The following TBC1D32 variants were observed in gnomAD, a reference collection of about 807,000 sequenced individuals.
The protein encoded by TBC1D32 is protein broad-minded.
TBC1D32 carries 151 observed loss-of-function variants against 170.3 expected under a neutral mutation model. That is an observed-to-expected ratio of 0.89 (90% confidence interval 0.78 to 1.01). The LOEUF (loss-of-function observed/expected upper bound fraction) is 1.01. Among genes scored for constraint, TBC1D32 ranks in the 50% least tolerant of loss-of-function variants. The pLI is 0.00. For synonymous variants in TBC1D32, 498 were observed against 488.0 expected, an observed-to-expected ratio of 1.02 and a Z score of -0.27; for missense variants, 1,464 against 1,457.1, an observed-to-expected ratio of 1.00 and a Z score of -0.08.
At chr6:121,303,466 CA>C (rs1335704976) in intron 9 of TBC1D32, 150 bp downstream of exon 9, 1 of 630,718 alleles carries the variant, frequency 1.6e-6, no homozygotes, top group African/African-American at 1.9e-5. Context: ...GTATTAATAC[CA>C]CCAACCTCGT....
intron 15 of TBC1D32, 101 bp from the exon 16 acceptor site, chr6:121,256,386 T>C (rs1799020313): frequency 1.1e-6 from 1 of 928,664 alleles, no homozygotes; most frequent in African/African-American, 1.7e-5. Context: ...TTAGTCCTCC[T>C]CTAACTTTTC....
chr6:121,203,755 A>G (rs1191197282), intron 22 of TBC1D32, among the ~76,000 whole-genome samples: 2 of 151,418 alleles, frequency 1.3e-5, no homozygotes, highest in Admixed American at 1.3e-4. Context: ...GCTAACCACC[A>G]TACTGCACTA....
chr6:121,187,728 A>C (rs371934373), intron 22 of TBC1D32, among the ~76,000 whole-genome samples: 1 of 144,572 alleles, frequency 6.9e-6, no homozygotes. Flanking sequence ...ATGAAGGGAA[A>C]TCCCATGAAG....
chr6:121,160,006 T>A lies in TBC1D32; in HGVS notation c.2773+4A>T, dbSNP rs774039042. 4.0e-5 allele frequency: 63 copies of A among 1,567,776 alleles called. No individual in the cohort carries two copies. Among genetic ancestry groups the A allele is most frequent in the Non-Finnish European group, 5.3e-5 (61 of 1,142,296 alleles). ...AATATGGCATTTGATGGTAAATATT[T>A]TACCTTGTTTTATACCAGCATTTCT... On this transcript the variant is annotated splice_donor_region_variant and intron_variant, in intron 24 of 31. Coordinates refer to ENST00000398212, the MANE Select transcript of TBC1D32 (RefSeq NM_152730.6).
At chr6:121,240,185 CT>C (rs1328325186) in intron 19 of TBC1D32, among the ~76,000 whole-genome samples, 2 of 151,956 alleles carry the variant, frequency 1.3e-5, no homozygotes, top group Non-Finnish European at 2.9e-5. Context: ...ACACTTACCC[CT>C]CTCATGAAAA....
At chr6:121,331,629 CTGAAATAAA>C (rs1562131513) in intron 1 of TBC1D32, among the ~76,000 whole-genome samples, 1 of 152,186 alleles carries the variant, frequency 6.6e-6, no homozygotes, top group East Asian at 1.9e-4. Context: ...ATGAGTAATT[CTGAAATAAA>C]CACTTTGGAA....
At chr6:121,122,590 T>G (rs1780385032) in intron 26 of TBC1D32, among the ~76,000 whole-genome samples, 1 of 152,050 alleles carries the variant, frequency 6.6e-6, no homozygotes, top group Non-Finnish European at 1.5e-5. Flanking sequence ...TCAATAAAAC[T>G]TTATATGAAA....
chr6:121,279,104 T>G lies in TBC1D32; in HGVS notation c.1733+17A>C, dbSNP rs1354409577. On this transcript the variant is annotated intron_variant, in intron 15 of 31. Transcript: ENST00000398212. ...ACTATACCTGGAATAATTATCCGGA[T>G]TTAAAATAGCACATACCTTTCTTCA... 6.3e-7 allele frequency: 1 copy of G among 1,578,130 alleles called. No homozygotes were observed. The highest frequency in any genetic ancestry group is 8.5e-7 in the Non-Finnish European group (1 of 1,170,298).
intron 15 of TBC1D32, among the ~76,000 whole-genome samples, chr6:121,277,674 A>T (rs1410438274): frequency 6.6e-6 from 1 of 151,688 alleles, no homozygotes; most frequent in Middle Eastern, 3.2e-3. Context: ...ATAAAAAAAG[A>T]AAAGAGCTAA....
At chr6:121,187,652 G>C (rs554865722) in intron 22 of TBC1D32, among the ~76,000 whole-genome samples, 50 of 151,702 alleles carry the variant, frequency 3.3e-4, no homozygotes, top group African/African-American at 9.4e-4. Flanking sequence ...AACCAAGATA[G>C]GTAATTGGAT....
intron 20 of TBC1D32, among the ~76,000 whole-genome samples, chr6:121,235,050 G>A (rs1796169235): frequency 6.6e-6 from 1 of 152,214 alleles, no homozygotes; most frequent in South Asian, 2.1e-4. Context: ...AAAGGGTCTT[G>A]TGATGTGATC....
chr6:121,110,669 A>C (rs2128195577), intron 29 of TBC1D32, among the ~76,000 whole-genome samples: 1 of 152,346 alleles, frequency 6.6e-6, no homozygotes, highest in South Asian at 2.1e-4. Context: ...ACAATGGAAC[A>C]AATGAAATAG....
upstream of TBC1D32, chr6:121,334,715 A>G (rs1582503407): frequency 2.3e-6 from 1 of 440,848 alleles, no homozygotes; most frequent in Non-Finnish European, 4.1e-6. Flanking sequence ...TAACAACAAA[A>G]GAGACATCAG....
intron 1 of TBC1D32, among the ~76,000 whole-genome samples, chr6:121,326,091 C>G (rs1218912327): frequency 6.6e-6 from 1 of 152,068 alleles, no homozygotes; most frequent in Non-Finnish European, 1.5e-5. Flanking sequence ...CTTGGGTATG[C>G]TTTGTTATAA....
chr6:121,329,552 T>C (rs139437318), intron 1 of TBC1D32, among the ~76,000 whole-genome samples: 3,655 of 152,160 alleles, frequency 0.024, 72 homozygotes, highest in Non-Finnish European at 0.034. Context: ...CTTGGGAGGC[T>C]GAGGCAAGAG....
intron 9 of TBC1D32, among the ~76,000 whole-genome samples, chr6:121,300,114 T>C (rs912635431): frequency 3.3e-5 from 5 of 152,164 alleles, no homozygotes; most frequent in Admixed American, 6.6e-5. Context: ...AAGATATCAT[T>C]AGTGTTCAAA....
chr6:121,206,044 T>A (rs1007626332), intron 21 of TBC1D32, among the ~76,000 whole-genome samples: 1 of 152,084 alleles, frequency 6.6e-6, no homozygotes, highest in Non-Finnish European at 1.5e-5. Context: ...ACACCGTCTC[T>A]AGTAAAAATA....
At position 121,092,304 on chromosome 6, in the gene TBC1D32, T is replaced by G. The variant is rs1363092543; in HGVS notation, c.3466-1263A>C. 2.9e-4 allele frequency among the ~76,000 whole-genome samples: 42 copies of G among 143,020 alleles called. No individual in the cohort carries two copies. The East Asian group carries it at 7.6e-3, about 26-fold the overall frequency. 93.8% of individuals were successfully genotyped at this position (143,020 alleles called of 152,430 possible). A position where few individuals can be genotyped will look rare whatever the true frequency, so the allele number is the denominator to read the frequency against. On this transcript the variant is annotated intron_variant, in intron 30 of 31. Coordinates refer to ENST00000398212, the MANE Select transcript of TBC1D32 (RefSeq NM_152730.6). ...TCCTTCAGTTTTATGTTTTTTTTTTTTTTTTTTTTTTTTTTTTTTGGAGAT... is the reference window on the plus strand; with the variant it reads ...TCCTTCAGTTTTATGTTTTTTTTTTGTTTTTTTTTTTTTTTTTTTGGAGAT...
Position 121,113,046 on chromosome 6 carries a change from T to G in TBC1D32, c.3169+16A>C. 6.4e-7 allele frequency: 1 copy of G among 1,565,032 alleles called. No homozygotes were observed. Among genetic ancestry groups the G allele is most frequent in the Non-Finnish European group, 8.7e-7 (1 of 1,149,120 alleles). ...GAAAAAAATTAAGCTATTGTGAATA[T>G]ACTCAAAAAGGATATGAAGAGAAGA... On this transcript the variant is annotated intron_variant, in intron 28 of 31. Transcript: ENST00000398212.
Sources: allele counts gnomAD v4.1 joint callset (sites outside exome capture counted in the v4.1 genomes callset), GRCh38; gene constraint gnomAD v4.1.1; transcripts MANE v1.5; gene names NCBI Gene and HGNC (gene_info 2026-07-23, HGNC 2026-07-21).